The following MON2 variants were observed in gnomAD, a reference collection of about 807,000 sequenced individuals.
MON2 encodes MON2 regulator of endosome-to-Golgi trafficking, also known as protein MON2 homolog.
MON2 carries 84 observed loss-of-function variants against 208.6 expected under a neutral mutation model. The observed-to-expected ratio is 0.40, with a 90% CI of 0.34 to 0.48. The LOEUF is 0.48. Ranked by LOEUF, MON2 falls within the 20% of genes least tolerant of loss-of-function variation. The probability of loss-of-function intolerance (pLI) is 0.59; values close to 1 mark genes in which losing one functional copy is unlikely to be tolerated. For missense variants in MON2, 1,611 were observed against 2,015.4 expected, an observed-to-expected ratio of 0.80 and a Z score of 3.84; for synonymous variants, 660 against 694.0, an observed-to-expected ratio of 0.95 and a Z score of 0.77.
chr12:62,518,479 C>T (rs185569584), intron 8 of MON2, among the ~76,000 whole-genome samples: 3 of 152,298 alleles, frequency 2.0e-5, no homozygotes, highest in African/African-American at 7.2e-5. Context: ...CTCCATAACA[C>T]ACTTTTAACC....
intron 25 of MON2, among the ~76,000 whole-genome samples, chr12:62,559,129 A>G (rs1294368062): frequency 1.3e-5 from 2 of 152,128 alleles, no homozygotes; most frequent in African/African-American, 4.8e-5. Context: ...CTATTAACCG[A>G]CTGCTTTCCC....
chr12:62,580,066 G>A (rs1592455761), intron 31 of MON2, among the ~76,000 whole-genome samples: 1 of 152,086 alleles, frequency 6.6e-6, no homozygotes, highest in East Asian at 1.9e-4. Context: ...CAAATGGTTG[G>A]CATAGTAAAC....
chr12:62,594,346 G>A lies in MON2; in HGVS notation c.*1597G>A, dbSNP rs1399350468. On this transcript the variant is annotated 3_prime_UTR_variant, in exon 35 of 35. Coordinates refer to ENST00000393630, the MANE Select transcript of MON2 (RefSeq NM_015026.3). ...TAATTTGCATTATCTGTAAAATGTA[G>A]TAAGGTCTTTGAGGGGATATTTTTT... 2.6e-5 allele frequency: 4 copies of A among 152,078 alleles called. No homozygotes were observed. The highest frequency in any genetic ancestry group is 4.8e-5 in the African/African-American group (2 of 41,416). 9.4% of individuals were successfully genotyped at this position (152,078 alleles called of 1,614,324 possible).
intron 2 of MON2, among the ~76,000 whole-genome samples, chr12:62,488,964 C>T (rs891682072): frequency 2.0e-5 from 3 of 151,574 alleles, no homozygotes; most frequent in South Asian, 2.1e-4. Flanking sequence ...CAAACCTGCA[C>T]GTTCTGCACA....
At position 62,526,043 on chromosome 12, in the gene MON2, T is replaced by C. The variant is rs758985597; in HGVS notation, c.1341T>C (p.Tyr447=). The change falls in exon 11 of 35, where the codon TAT becomes TAC. Residue 447 remains tyrosine, a synonymous_variant. Coordinates refer to ENST00000393630, the MANE Select transcript of MON2 (RefSeq NM_015026.3). ...GGVTLLPAFE[Y]RGTWIPILTI... Reference sequence around the variant, plus strand: ...TTACTTTGCTACCAGCATTTGAATATAGGGGAACCTGGATACCTATTCTGA... The same window carrying C: ...TTACTTTGCTACCAGCATTTGAATACAGGGGAACCTGGATACCTATTCTGA... 5.0e-6 allele frequency: 8 copies of C among 1,613,978 alleles called. No homozygotes were observed. Among genetic ancestry groups the C allele is most frequent in the Admixed American group, 3.3e-5 (2 of 60,024 alleles).
intron 1 of MON2, among the ~76,000 whole-genome samples, chr12:62,468,684 G>A (rs893323179): frequency 2.6e-5 from 4 of 152,052 alleles, no homozygotes; most frequent in African/African-American, 9.7e-5. Context: ...TTTTGATATT[G>A]ATTTTCATTT....
intron 19 of MON2, among the ~76,000 whole-genome samples, chr12:62,542,569 A>G (rs555260994): frequency 3.3e-5 from 5 of 152,196 alleles, no homozygotes; most frequent in Admixed American, 1.3e-4. Context: ...GCCATGTATA[A>G]TGTACCCTGG....
rs901551999 is a variant in MON2 at position 62,578,383 on chromosome 12, T to C, written c.4515-62T>C. The C allele has an allele frequency of 4.6e-6, 5 of 1,083,368 alleles. No homozygotes were observed. The African/African-American group carries it at 8.3e-5, about 18-fold the overall frequency. 67.1% of individuals were successfully genotyped at this position (1,083,368 alleles called of 1,614,324 possible). A position where few individuals can be genotyped will look rare whatever the true frequency, so the allele number is the denominator to read the frequency against. On this transcript the variant is annotated intron_variant, in intron 30 of 34. Transcript: ENST00000393630. ...TTTTGACATTTGAATACTGTTTTTC[T>C]ATTTTGTTTGTATTTGCAGGGAATA...
chr12:62,524,979 G>C (rs747066720), intron 9 of MON2, 105 bp from the exon 10 acceptor site: 53 of 972,468 alleles, frequency 5.5e-5, no homozygotes, highest in Non-Finnish European at 7.5e-5. Context: ...GAATGTTTTA[G>C]TATAGTTTGG....
intron 21 of MON2, among the ~76,000 whole-genome samples, chr12:62,546,570 A>G (rs1451218918): frequency 6.6e-6 from 1 of 152,118 alleles, no homozygotes; most frequent in Non-Finnish European, 1.5e-5. Context: ...CCTGACCAAC[A>G]TGGTGAAACC....
At chr12:62,575,943 C>T (rs1163600157) in intron 30 of MON2, among the ~76,000 whole-genome samples, 1 of 152,100 alleles carries the variant, frequency 6.6e-6, no homozygotes, top group Non-Finnish European at 1.5e-5. Flanking sequence ...TCACAAAGTA[C>T]TGTGCAAAAG....
chr12:62,502,229 A>T (rs1056567796), intron 7 of MON2, among the ~76,000 whole-genome samples: 4 of 151,938 alleles, frequency 2.6e-5, no homozygotes, highest in Admixed American at 6.6e-5. Context: ...CAAAAAAGAT[A>T]AATAAAACAA....
chr12:62,533,601 A>G (rs1222346511), intron 12 of MON2, among the ~76,000 whole-genome samples: 1 of 152,246 alleles, frequency 6.6e-6, no homozygotes, highest in Non-Finnish European at 1.5e-5. Context: ...AGCACTTCCT[A>G]TTTGATAGAA....
At chr12:62,506,951 T>C (rs1356504466) in intron 7 of MON2, among the ~76,000 whole-genome samples, 1 of 152,216 alleles carries the variant, frequency 6.6e-6, no homozygotes, top group Admixed American at 6.5e-5. Flanking sequence ...ATGGGATTAC[T>C]CTTGGCTAAT....
chr12:62,587,298 T>G (rs1367324101), intron 33 of MON2, among the ~76,000 whole-genome samples: 1 of 152,142 alleles, frequency 6.6e-6, no homozygotes, highest in Non-Finnish European at 1.5e-5. Flanking sequence ...TTCAACAGCA[T>G]GGTAGAATAT....
At chr12:62,492,745 C>G (rs1172313232) in intron 2 of MON2, among the ~76,000 whole-genome samples, 2 of 147,390 alleles carry the variant, frequency 1.4e-5, no homozygotes, top group Non-Finnish European at 3.0e-5. Context: ...CTTTGGGAGG[C>G]TGAGGCGGGT....
chr12:62,539,811 G>A (rs2073153320), intron 19 of MON2, among the ~76,000 whole-genome samples: 1 of 151,940 alleles, frequency 6.6e-6, no homozygotes, highest in Non-Finnish European at 1.5e-5. Context: ...GTGGTCAGGA[G>A]TTCGAGACCA....
intron 1 of MON2, among the ~76,000 whole-genome samples, chr12:62,475,581 G>A (rs1481203482): frequency 6.6e-6 from 1 of 151,230 alleles, no homozygotes; most frequent in African/African-American, 2.4e-5. Flanking sequence ...AGTATTTTTA[G>A]TAATTTTGTA....
intron 1 of MON2, among the ~76,000 whole-genome samples, chr12:62,479,354 A>G (rs1308657982): frequency 6.6e-6 from 1 of 152,002 alleles, no homozygotes; most frequent in Non-Finnish European, 1.5e-5. Context: ...TCATTTCTAG[A>G]TAATACCTAA....
Sources: allele counts gnomAD v4.1 joint callset (sites outside exome capture counted in the v4.1 genomes callset), GRCh38; gene constraint gnomAD v4.1.1; transcripts MANE v1.5; gene names NCBI Gene and HGNC (gene_info 2026-07-23, HGNC 2026-07-21).